DTD1: variants seen among roughly 807,000 people sequenced by gnomAD.
DTD1 encodes D-tyrosyl-tRNA deacylase 1 homolog.
Under a neutral mutation model 25.6 loss-of-function variants are expected in DTD1, and 13 were observed. The observed-to-expected ratio is 0.51, with a 90% CI of 0.33 to 0.81. DTD1 has a LOEUF of 0.81. Ranked by LOEUF, DTD1 falls within the 30% of genes least tolerant of loss-of-function variation. The pLI is 0.02. For missense variants in DTD1, 193 were observed against 266.4 expected, an observed-to-expected ratio of 0.72 and a Z score of 1.92; for synonymous variants, 110 against 103.6, an observed-to-expected ratio of 1.06 and a Z score of -0.37.
chr20:18,695,565 CCCTCCA>C (rs2122447293), intron 4 of DTD1, among the ~76,000 whole-genome samples: 1 of 13,820 alleles, frequency 7.2e-5, no homozygotes, highest in Non-Finnish European at 1.6e-4. Flanking sequence ...CCTTCTCTTC[CCCTCCA>C]TTCCCCTCCC....
At chr20:18,714,295 G>A (rs1183584275) in intron 4 of DTD1, among the ~76,000 whole-genome samples, 1 of 152,140 alleles carries the variant, frequency 6.6e-6, no homozygotes, top group Admixed American at 6.5e-5. Flanking sequence ...AACCACTTGT[G>A]TGTTTGTTTA....
At chr20:18,672,159 A>G (rs1600356403) in intron 4 of DTD1, among the ~76,000 whole-genome samples, 1 of 152,344 alleles carries the variant, frequency 6.6e-6, no homozygotes, top group East Asian at 1.9e-4. Flanking sequence ...ACTTGAGTCC[A>G]GGAGGTCAAG....
intron 4 of DTD1, among the ~76,000 whole-genome samples, chr20:18,718,016 G>A (rs2061188213): frequency 6.6e-6 from 1 of 152,210 alleles, no homozygotes; most frequent in Admixed American, 6.5e-5. Context: ...AAGGAAACAG[G>A]TTTGGGAGCC....
chr20:18,632,332 G>GC, intron 4 of DTD1: 7 of 985,358 alleles, frequency 7.1e-6, no homozygotes, highest in Non-Finnish European at 8.4e-6. Context: ...CAGTTTCCTG[G>GC]CCCCCAGAAG....
In DTD1 at chr20:18,595,661, T is replaced by C. The variant is rs145411978; in HGVS notation, c.135-345T>C. On this transcript the variant is annotated intron_variant, in intron 2 of 5. Coordinates refer to ENST00000377452, the MANE Select transcript of DTD1 (RefSeq NM_080820.6). ...GAATTCGTTCATGAAAAATTACAAT[T>C]GGACCCATGTTTTGACATATCCCCG... Among the ~76,000 whole-genome samples the C allele has an allele frequency of 2.4e-3, 367 of 152,332 alleles. 6 individuals carry two copies. Among genetic ancestry groups the C allele is most frequent in the Admixed American group, 0.02 (301 of 15,288 alleles).
At chr20:18,633,953 C>G (rs1352462388) in intron 4 of DTD1, among the ~76,000 whole-genome samples, 2 of 152,188 alleles carry the variant, frequency 1.3e-5, no homozygotes, top group African/African-American at 4.8e-5. Flanking sequence ...ATGCTATGTC[C>G]TGGCAGTGAT....
intron 4 of DTD1, among the ~76,000 whole-genome samples, chr20:18,708,195 T>A (rs6112076): frequency 8.8e-5 from 5 of 57,054 alleles, no homozygotes; most frequent in East Asian, 5.9e-4. Flanking sequence ...TATATATATA[T>A]TATATATATA....
intron 4 of DTD1, among the ~76,000 whole-genome samples, chr20:18,648,482 G>T (rs186339699): frequency 1.5e-4 from 23 of 152,184 alleles, no homozygotes; most frequent in Admixed American, 1.4e-3. Flanking sequence ...CTTTTTCCTA[G>T]GTCATCCATA....
intron 5 of DTD1, among the ~76,000 whole-genome samples, chr20:18,751,065 G>A (rs562233048): frequency 1.1e-4 from 2 of 17,986 alleles, no homozygotes; most frequent in African/African-American, 2.0e-4. Context: ...TACAGCAGCC[G>A]TGTGTGTGTG....
At chr20:18,588,906 A>G in intron 1 of DTD1, 3 of 976,680 alleles carry the variant, frequency 3.1e-6, no homozygotes, top group Non-Finnish European at 3.6e-6. Flanking sequence ...TTTTTTAAAA[A>G]ACATTTAAAT....
chr20:18,750,157 A>G (rs1337289707), intron 5 of DTD1, among the ~76,000 whole-genome samples: 1 of 152,120 alleles, frequency 6.6e-6, no homozygotes, highest in Non-Finnish European at 1.5e-5. Flanking sequence ...GAAGATCCTA[A>G]ACGGGACCAG....
intron 4 of DTD1, among the ~76,000 whole-genome samples, chr20:18,653,975 T>C (rs6136456): frequency 0.51 from 77,264 of 152,100 alleles, 19,989 homozygotes; most frequent in Middle Eastern, 0.57. Context: ...GAGAGCTGGA[T>C]CCCAATAGAA....
At chr20:18,708,259 T>C (rs2061139252) in intron 4 of DTD1, among the ~76,000 whole-genome samples, 2 of 31,402 alleles carry the variant, frequency 6.4e-5, no homozygotes, top group Non-Finnish European at 1.3e-4. Context: ...ATATTATATA[T>C]ATATTTTATA....
At chr20:18,755,802 G>T (rs2061336894) in intron 5 of DTD1, among the ~76,000 whole-genome samples, 2 of 152,016 alleles carry the variant, frequency 1.3e-5, no homozygotes, top group Non-Finnish European at 2.9e-5. Context: ...GGGATGGCTG[G>T]GTCAAATGGT....
chr20:18,676,755 T>C (rs2060976968), intron 4 of DTD1, among the ~76,000 whole-genome samples: 1 of 152,230 alleles, frequency 6.6e-6, no homozygotes, highest in Admixed American at 6.5e-5. Flanking sequence ...ATTTTGGTCC[T>C]ATCTGTTCTC....
chr20:18,626,363 C>T (rs1266855940), intron 3 of DTD1, among the ~76,000 whole-genome samples: 1 of 152,182 alleles, frequency 6.6e-6, no homozygotes, highest in Non-Finnish European at 1.5e-5. Context: ...CTCTGGTTTA[C>T]AGCTGTTAGG....
chr20:18,600,446 G>C (rs903772957), intron 3 of DTD1, among the ~76,000 whole-genome samples: 1 of 152,132 alleles, frequency 6.6e-6, no homozygotes, highest in Non-Finnish European at 1.5e-5. Context: ...TCTCTGTTCT[G>C]TTCCATTGGT....
intron 4 of DTD1, 82 bp from the exon 5 acceptor site, chr20:18,744,018 A>G: frequency 1.4e-6 from 2 of 1,461,550 alleles, no homozygotes; most frequent in Non-Finnish European, 1.8e-6. Context: ...AATGGTTCCC[A>G]CCTGGGAAGT....
At position 18,598,745 on chromosome 20, in the gene DTD1, G is replaced by A. The variant is rs190286943; in HGVS notation, c.370+2504G>A. Among the ~76,000 whole-genome samples the A allele has an allele frequency of 6.0e-5, 9 of 150,934 alleles. No homozygotes were observed. In the South Asian group the frequency reaches 8.4e-4, roughly 14 times the overall value. ...AGGATGGTCTCGATCTCCTGACCTC[G>A]TGATCTGCCTGTCTTGGCCTCCCAA... On this transcript the variant is annotated intron_variant, in intron 3 of 5. Transcript: ENST00000377452.
Sources: allele counts gnomAD v4.1 joint callset (sites outside exome capture counted in the v4.1 genomes callset), GRCh38; gene constraint gnomAD v4.1.1; transcripts MANE v1.5; gene names NCBI Gene and HGNC (gene_info 2026-07-23, HGNC 2026-07-21).